Variants in PLD5 observed in about 807,000 individuals in gnomAD.
PLD5 encodes phospholipase D family member 5, also known as inactive phospholipase D5.
PLD5 carries 36 observed loss-of-function variants against 61.1 expected under a neutral mutation model. The ratio of observed to expected loss-of-function variants is 0.59; its 90% CI spans 0.45 to 0.78. The LOEUF is 0.78. PLD5 is among the 30% of genes least tolerant of loss of function. The probability of loss-of-function intolerance (pLI) is 0.00; values close to 1 mark genes in which losing one functional copy is unlikely to be tolerated. For synonymous variants in PLD5, 243 were observed against 242.8 expected, an observed-to-expected ratio of 1.00 and a Z score of -0.01; for missense variants, 515 against 644.4, an observed-to-expected ratio of 0.80 and a Z score of 2.17.
rs766213660 is a variant in PLD5 at position 242,265,425 on chromosome 1, C to T, written c.519G>A (p.Leu173=). The change falls in exon 4 of 10, where the codon TTG becomes TTA. Residue 173 remains leucine, a synonymous_variant. Coordinates refer to ENST00000536534, the MANE Select transcript of PLD5 (RefSeq NM_001372062.1). ...ACQGQRLFEK[L]LQLTSQNIEI... ...CAATATTTTGCGAAGTCAGCTGGAG[C>T]AACTTTTCAAAAAGACGTTGACCCT... 52 of 1,610,326 alleles carry T rather than the reference C, an allele frequency of 3.2e-5. No homozygotes were observed. Among genetic ancestry groups the T allele is most frequent in the Middle Eastern group, 1.7e-4 (1 of 6,060 alleles).
chr1:242,399,942 G>T (rs1224782024), intron 1 of PLD5, among the ~76,000 whole-genome samples: 3 of 152,218 alleles, frequency 2.0e-5, no homozygotes, highest in Non-Finnish European at 2.9e-5. Flanking sequence ...GCTGAGGATG[G>T]TGGATCACTT....
At chr1:242,302,724 A>T (rs1676131850) in intron 2 of PLD5, among the ~76,000 whole-genome samples, 1 of 152,200 alleles carries the variant, frequency 6.6e-6, no homozygotes, top group South Asian at 2.1e-4. Flanking sequence ...GCCTGTAAAA[A>T]ATTTTTTTAA....
At chr1:242,487,762 G>A (rs1478951346) in intron 1 of PLD5, among the ~76,000 whole-genome samples, 3 of 152,104 alleles carry the variant, frequency 2.0e-5, no homozygotes, top group Admixed American at 2.0e-4. Flanking sequence ...AAGGTATACA[G>A]ATGGCATAAA....
chr1:242,397,977 G>A (rs1407253642), intron 1 of PLD5, among the ~76,000 whole-genome samples: 1 of 152,098 alleles, frequency 6.6e-6, no homozygotes, highest in African/African-American at 2.4e-5. Flanking sequence ...AAAGAAAAAA[G>A]TCCCAGTCAC....
At chr1:242,148,405 A>AAAATC (rs1558272490) in intron 5 of PLD5, among the ~76,000 whole-genome samples, 1 of 151,506 alleles carries the variant, frequency 6.6e-6, no homozygotes. Context: ...AGTAGGTCAG[A>AAAATC]AAATCAGGTA....
At chr1:242,504,279 G>A in intron 1 of PLD5, among the ~76,000 whole-genome samples, 1 of 152,140 alleles carries the variant, frequency 6.6e-6, no homozygotes, top group South Asian at 2.1e-4. Context: ...TTAGAGTTTT[G>A]TCAAAAGCAG....
At chr1:242,160,150 C>T (rs1665710096) in intron 5 of PLD5, among the ~76,000 whole-genome samples, 1 of 152,002 alleles carries the variant, frequency 6.6e-6, no homozygotes, top group South Asian at 2.1e-4. Context: ...TAGCCAGAAC[C>T]ACAGGCATGT....
chr1:242,351,649 C>T (rs1040625788), intron 1 of PLD5, among the ~76,000 whole-genome samples: 11 of 152,094 alleles, frequency 7.2e-5, no homozygotes, highest in East Asian at 3.9e-4. Context: ...TACCCAGTCT[C>T]GGGTATGTCT....
chr1:242,504,763 A>AT (rs1436346149), intron 1 of PLD5, among the ~76,000 whole-genome samples: 1 of 152,150 alleles, frequency 6.6e-6, no homozygotes, highest in Non-Finnish European at 1.5e-5. Flanking sequence ...ATTTTCCCAA[A>AT]TATTTTTTTT....
chr1:242,511,702 G>A (rs975268205), intron 1 of PLD5, among the ~76,000 whole-genome samples: 48 of 152,238 alleles, frequency 3.2e-4, no homozygotes, highest in African/African-American at 1.1e-3. Flanking sequence ...AAACTGTCAT[G>A]GACAAGAGGT....
intron 1 of PLD5, among the ~76,000 whole-genome samples, chr1:242,501,375 G>A (rs2102990374): frequency 6.6e-6 from 1 of 152,256 alleles, no homozygotes; most frequent in South Asian, 2.1e-4. Context: ...CTTCTCCTCT[G>A]TAATAATGAA....
At chr1:242,341,313 C>A (rs1235138609) in intron 2 of PLD5, among the ~76,000 whole-genome samples, 2 of 151,918 alleles carry the variant, frequency 1.3e-5, no homozygotes, top group African/African-American at 4.8e-5. Context: ...AGGTAATTGT[C>A]AACACATAAA....
chr1:242,138,504 T>C (rs982540267), intron 5 of PLD5, among the ~76,000 whole-genome samples: 8 of 152,102 alleles, frequency 5.3e-5, no homozygotes, highest in African/African-American at 1.7e-4. Context: ...GAAGAAAATA[T>C]ATGATACAAA....
At chr1:242,348,263 A>G (rs1276091014) in intron 1 of PLD5, 21 bp from the exon 2 acceptor site, 3 of 1,580,054 alleles carry the variant, frequency 1.9e-6, no homozygotes, top group African/African-American at 2.7e-5. Flanking sequence ...AAACAAAGAC[A>G]AAGAAAAGTA....
At chr1:242,345,711 T>C (rs1388447952) in intron 2 of PLD5, 4 of 714,586 alleles carry the variant, frequency 5.6e-6, no homozygotes, top group Non-Finnish European at 1.0e-5. Context: ...GAAGAGCTTG[T>C]GGAAGATCAA....
chr1:242,452,403 C>T (rs1318003269), intron 1 of PLD5, among the ~76,000 whole-genome samples: 1 of 152,132 alleles, frequency 6.6e-6, no homozygotes, highest in Non-Finnish European at 1.5e-5. Flanking sequence ...ACAATCACCT[C>T]ACTGATACCT....
At chr1:242,462,316 T>G (rs955442314) in intron 1 of PLD5, among the ~76,000 whole-genome samples, 5 of 152,098 alleles carry the variant, frequency 3.3e-5, no homozygotes, top group Admixed American at 6.6e-5. Flanking sequence ...TAAAAAAGAA[T>G]AAAATCATGT....
chr1:242,379,114 T>C (rs988749680), intron 1 of PLD5, among the ~76,000 whole-genome samples: 4 of 152,166 alleles, frequency 2.6e-5, no homozygotes, highest in African/African-American at 4.8e-5. Flanking sequence ...ACTAGCTTAA[T>C]ATATCTGTCC....
intron 5 of PLD5, among the ~76,000 whole-genome samples, chr1:242,128,142 A>G (rs1662941879): frequency 6.6e-6 from 1 of 152,050 alleles, no homozygotes. Context: ...ATGTCTTTAC[A>G]AAAAAATAAA....
Sources: allele counts gnomAD v4.1 joint callset (sites outside exome capture counted in the v4.1 genomes callset), GRCh38; gene constraint gnomAD v4.1.1; transcripts MANE v1.5; gene names NCBI Gene and HGNC (gene_info 2026-07-23, HGNC 2026-07-21).